PEMT: variants seen among roughly 807,000 people sequenced by gnomAD.
PEMT encodes phospholipid methyltransferase.
In PEMT, 23 loss-of-function variants were observed where a neutral mutation model predicts 27.4. The observed-to-expected ratio is 0.84, with a 90% CI of 0.60 to 1.19. PEMT has a LOEUF of 1.19. Among genes scored for constraint, PEMT ranks in the 50% most tolerant of loss-of-function variants. PEMT has a pLI of 0.00. For missense variants in PEMT, 307 were observed against 310.1 expected (o/e 0.99, Z 0.07); for synonymous variants, 137 against 139.1 (o/e 0.98, Z 0.11).
intron 2 of PEMT, among the ~76,000 whole-genome samples, chr17:17,524,181 A>G (rs942822306): frequency 6.6e-6 from 1 of 152,216 alleles, no homozygotes; most frequent in Non-Finnish European, 1.5e-5. Context: ...AGGTTGCGTT[A>G]GCAGCACTGT....
At chr17:17,566,285 G>A (rs1342765714) in intron 2 of PEMT, among the ~76,000 whole-genome samples, 1 of 152,198 alleles carries the variant, frequency 6.6e-6, no homozygotes, top group Non-Finnish European at 1.5e-5. Flanking sequence ...ACAGCCAAGC[G>A]GGTTGTGCGT....
At chr17:17,545,052 G>A (rs573690262) in intron 2 of PEMT, among the ~76,000 whole-genome samples, 9 of 152,306 alleles carry the variant, frequency 5.9e-5, no homozygotes, top group Non-Finnish European at 1.0e-4. Context: ...TCAGCTTCCC[G>A]TGCAGGCGGC....
At chr17:17,539,788 G>A (rs1303924741) in intron 2 of PEMT, among the ~76,000 whole-genome samples, 4 of 152,338 alleles carry the variant, frequency 2.6e-5, no homozygotes, top group East Asian at 3.9e-4. Context: ...CAAGGCATCC[G>A]GCCTGTGGGA....
At chr17:17,577,217 T>G (rs1442777665) in intron 1 of PEMT, among the ~76,000 whole-genome samples, 190 bp from the exon 2 acceptor site, 1 of 152,174 alleles carries the variant, frequency 6.6e-6, no homozygotes, top group Non-Finnish European at 1.5e-5. Context: ...AGCTGTGTCA[T>G]GTCCTGGGAG....
chr17:17,525,119 A>G (rs1907576356), intron 2 of PEMT, among the ~76,000 whole-genome samples: 2 of 152,092 alleles, frequency 1.3e-5, no homozygotes, highest in Non-Finnish European at 2.9e-5. Context: ...AAACAAAAAC[A>G]AAAACAACAA....
At chr17:17,509,892 G>A (rs1906227871) in intron 4 of PEMT, among the ~76,000 whole-genome samples, 1 of 152,170 alleles carries the variant, frequency 6.6e-6, no homozygotes, top group Admixed American at 6.5e-5. Flanking sequence ...TGTACAGAGA[G>A]CGCCTTTCCT....
At chr17:17,527,832 T>A (rs1907789938) in intron 2 of PEMT, among the ~76,000 whole-genome samples, 1 of 152,222 alleles carries the variant, frequency 6.6e-6, no homozygotes, top group African/African-American at 2.4e-5. Context: ...GCTCGCCGGC[T>A]GCCAGGCCTC....
chr17:17,576,311 C>T (rs562791065), intron 2 of PEMT, among the ~76,000 whole-genome samples: 2 of 152,352 alleles, frequency 1.3e-5, no homozygotes, highest in Admixed American at 6.5e-5. Flanking sequence ...ACCCACCCCT[C>T]GGTGCTGGTG....
intron 2 of PEMT, among the ~76,000 whole-genome samples, chr17:17,557,403 A>C (rs1910134993): frequency 6.6e-6 from 1 of 152,232 alleles, no homozygotes; most frequent in Non-Finnish European, 1.5e-5. Flanking sequence ...ACAGACAGGA[A>C]ACACAAAATG....
rs70959683 is a variant in PEMT at position 17,577,444 on chromosome 17, T to C, written c.97-417A>G. On this transcript the variant is annotated intron_variant, in intron 1 of 6. Coordinates refer to ENST00000255389, the MANE Select transcript of PEMT (RefSeq NM_148172.3). ...ATCAGGTAAAAGCAAATTAAAACAA[T>C]AGTGGTGTGCCTCTCCTCGCCCACA... The C allele has an allele frequency of 4.1e-3, 4,311 of 1,042,808 alleles. 114 individuals are homozygous for C. The African/African-American group carries it at 0.063, about 15-fold the overall frequency. The allele number at this position is 1,042,808 out of a possible 1,614,324, so 64.6% of individuals were successfully genotyped here.
At chr17:17,583,947 T>G (rs1169306517) in intron 1 of PEMT, among the ~76,000 whole-genome samples, 1 of 152,188 alleles carries the variant, frequency 6.6e-6, no homozygotes, top group Non-Finnish European at 1.5e-5. Flanking sequence ...CCTAGATCCA[T>G]AACTCCTTTC....
intron 2 of PEMT, among the ~76,000 whole-genome samples, chr17:17,554,475 G>T (rs1032939374): frequency 6.6e-6 from 1 of 152,220 alleles, no homozygotes; most frequent in Non-Finnish European, 1.5e-5. Context: ...TGGGCAGCTT[G>T]CCTCCCTGCT....
intron 2 of PEMT, among the ~76,000 whole-genome samples, chr17:17,542,717 A>G (rs1908975865): frequency 6.6e-6 from 1 of 152,198 alleles, no homozygotes; most frequent in African/African-American, 2.4e-5. Context: ...AGTCCATGAG[A>G]TCCTCGCCTG....
chr17:17,513,125 G>A lies in PEMT; in HGVS notation c.321-471C>T, dbSNP rs375953257. ...CATTCCCCAACAGACTCAGTGCCCC[G>A]AGGCCTGGGGCATGCTCTGTGCTAG... On this transcript the variant is annotated intron_variant, in intron 3 of 6. Transcript: ENST00000255389. This position sits in a 1 kb window ranked among gnomAD's most constrained non-coding sequence, Gnocchi z 4.1. 9.1e-4 allele frequency among the ~76,000 whole-genome samples: 139 copies of A among 152,288 alleles called. No individual in the cohort carries two copies. Among genetic ancestry groups the A allele is most frequent in the Non-Finnish European group, 1.6e-3 (106 of 68,022 alleles).
chr17:17,577,308 G>T, intron 1 of PEMT: 1 of 479,474 alleles, frequency 2.1e-6, no homozygotes, highest in Non-Finnish European at 3.6e-6. Flanking sequence ...CTGAAGGGAG[G>T]TGACACCAAC....
Position 17,587,687 on chromosome 17 carries a change from C to T in PEMT, c.96+3844G>A, listed in dbSNP as rs112855584. On this transcript the variant is annotated intron_variant, in intron 1 of 6. Transcript: ENST00000255389. ...AGACCAGCCTGGCCAACAACCCTGT[C>T]GCTACTAAAAATACAAAAAACAAAA... Among the ~76,000 whole-genome samples the T allele has an allele frequency of 1.5e-3, 221 of 152,048 alleles. 1 individual carries two copies. The highest frequency in any genetic ancestry group is 6.8e-3 in the Middle Eastern group (2 of 294).
chr17:17,572,709 A>C (rs1021365520), intron 2 of PEMT, among the ~76,000 whole-genome samples: 1 of 152,240 alleles, frequency 6.6e-6, no homozygotes, highest in Non-Finnish European at 1.5e-5. Flanking sequence ...TGCCCAGCGC[A>C]CAGTAGATGC....
At chr17:17,591,872 G>C, upstream of PEMT, 1 of 985,466 alleles carries the variant, frequency 1.0e-6, no homozygotes, top group Non-Finnish European at 1.2e-6. Context: ...AGAGCCTGCC[G>C]GTTCCGCTGC....
chr17:17,574,265 A>AAAAC (rs139970591), intron 2 of PEMT, among the ~76,000 whole-genome samples: 2 of 124,650 alleles, frequency 1.6e-5, no homozygotes, highest in Admixed American at 9.2e-5. Flanking sequence ...AAAAAAAAAA[A>AAAAC]CCGTATGCCA....
Sources: allele counts gnomAD v4.1 joint callset (sites outside exome capture counted in the v4.1 genomes callset), GRCh38; gene constraint gnomAD v4.1.1; non-coding constraint Gnocchi (gnomAD v3.1); transcripts MANE v1.5; gene names NCBI Gene and HGNC (gene_info 2026-07-23, HGNC 2026-07-21).